Variants in ODAD2 observed in about 807,000 individuals in gnomAD.
ODAD2 encodes outer dynein arm-docking complex subunit 2.
In ODAD2, 89 loss-of-function variants were observed where a neutral mutation model predicts 106.8. The observed-to-expected ratio is 0.83, with a 90% CI of 0.70 to 0.99. The LOEUF (loss-of-function observed/expected upper bound fraction) is 0.99, where lower values mean the gene tolerates loss of function less well. Among genes scored for constraint, ODAD2 ranks in the 50% least tolerant of loss-of-function variants. ODAD2 has a pLI of 0.00. For missense variants in ODAD2, 1,168 were observed against 1,238.5 expected (o/e 0.94, Z 0.85); for synonymous variants, 404 against 436.2 (o/e 0.93, Z 0.92).
intron 17 of ODAD2, among the ~76,000 whole-genome samples, chr10:27,879,062 G>A (rs944618454): frequency 2.0e-5 from 3 of 152,084 alleles, no homozygotes; most frequent in African/African-American, 2.4e-5. Context: ...TAGCTTTAAC[G>A]AATTGAATCA....
chr10:27,867,803 G>T (rs1040334835), intron 17 of ODAD2, among the ~76,000 whole-genome samples: 1 of 152,036 alleles, frequency 6.6e-6, no homozygotes. Context: ...ACAAAAATTA[G>T]CTGGGCATGG....
In ODAD2 at chr10:27,874,333, T is replaced by C. The variant is rs552310762; in HGVS notation, c.2611-11711A>G. On this transcript the variant is annotated intron_variant, in intron 17 of 19. Coordinates refer to ENST00000305242, the MANE Select transcript of ODAD2 (RefSeq NM_018076.5). ...CACTTTGCCAGTCTGTGTCTTTTAA[T>C]TGGAGCATTTAGTCTATTTACATTT... 5.9e-5 allele frequency among the ~76,000 whole-genome samples: 9 copies of C among 152,332 alleles called. No individual in the cohort carries two copies. In the South Asian group the frequency reaches 1.9e-3, roughly 32 times the overall value.
At chr10:27,880,016 ATTC>A (rs2133551607) in intron 17 of ODAD2, among the ~76,000 whole-genome samples, 1 of 152,312 alleles carries the variant, frequency 6.6e-6, no homozygotes, top group East Asian at 1.9e-4. Context: ...GTGTAGCGGA[ATTC>A]TTATCTTCTA....
Position 27,958,064 on chromosome 10 carries a change from T to G in ODAD2, c.1386+3504A>C, listed in dbSNP as rs73606022. Reference sequence around the variant, plus strand: ...TGTGTCTCCATATAAAATATTTATCTGTGTCAAAAACCTTGAAATCATTTA... The same window carrying G: ...TGTGTCTCCATATAAAATATTTATCGGTGTCAAAAACCTTGAAATCATTTA... On this transcript the variant is annotated intron_variant, in intron 10 of 19. Transcript: ENST00000305242. 3.0e-3 allele frequency among the ~76,000 whole-genome samples: 459 copies of G among 152,348 alleles called. 5 individuals carry two copies. Among genetic ancestry groups the G allele is most frequent in the African/African-American group, 0.011 (446 of 41,578 alleles).
intron 17 of ODAD2, among the ~76,000 whole-genome samples, chr10:27,893,500 T>C (rs1393478668): frequency 6.6e-6 from 1 of 152,174 alleles, no homozygotes. Flanking sequence ...TCAGCTATAA[T>C]TAACAATGGC....
chr10:27,865,720 T>C (rs1840389846), intron 17 of ODAD2, among the ~76,000 whole-genome samples: 2 of 152,244 alleles, frequency 1.3e-5, no homozygotes, highest in Admixed American at 6.5e-5. Context: ...TGAATTTGAT[T>C]GTTTGCAAAC....
intron 10 of ODAD2, among the ~76,000 whole-genome samples, chr10:27,946,896 C>T (rs1249120442): frequency 6.6e-6 from 1 of 152,170 alleles, no homozygotes; most frequent in Non-Finnish European, 1.5e-5. Context: ...CTTCTTACTC[C>T]ATTTAAGAAA....
At chr10:27,832,012 T>A (rs999451819) in intron 19 of ODAD2, among the ~76,000 whole-genome samples, 26 of 152,238 alleles carry the variant, frequency 1.7e-4, no homozygotes, top group Non-Finnish European at 3.5e-4. Flanking sequence ...TCAAGCATAT[T>A]CGGGGCTTCC....
At chr10:27,875,244 T>C (rs983945469) in intron 17 of ODAD2, among the ~76,000 whole-genome samples, 1 of 152,216 alleles carries the variant, frequency 6.6e-6, no homozygotes, top group African/African-American at 2.4e-5. Context: ...GTTATTCTAG[T>C]TAGCCCTTCA....
chr10:27,995,370 T>A (rs1850498751), intron 1 of ODAD2, among the ~76,000 whole-genome samples, 190 bp from the exon 2 acceptor site: 1 of 152,198 alleles, frequency 6.6e-6, no homozygotes, highest in African/African-American at 2.4e-5. Flanking sequence ...TAAAACTGAC[T>A]AGTATTTAAG....
At chr10:27,844,785 C>T (rs575140872) in intron 19 of ODAD2, among the ~76,000 whole-genome samples, 1 of 152,298 alleles carries the variant, frequency 6.6e-6, no homozygotes, top group South Asian at 2.1e-4. Flanking sequence ...TTTTACTATA[C>T]TTAGCTTTTC....
In ODAD2 at chr10:27,900,951, G is replaced by A. The variant is rs534457314; in HGVS notation, c.2610+6712C>T. ...AAGACAGGCCAACATTCAAATTCAGGAAATACAGAGAACACCACAAAGATA... is the reference window on the plus strand; with the variant it reads ...AAGACAGGCCAACATTCAAATTCAGAAAATACAGAGAACACCACAAAGATA... On this transcript the variant is annotated intron_variant, in intron 17 of 19. Coordinates refer to ENST00000305242, the MANE Select transcript of ODAD2 (RefSeq NM_018076.5). Among the ~76,000 whole-genome samples the A allele has an allele frequency of 6.0e-4, 92 of 152,070 alleles. 1 individual carries two copies. The highest frequency in any genetic ancestry group is 1.0e-3 in the Non-Finnish European group (71 of 68,016).
rs1835811782 is a variant in ODAD2, at chr10:27,812,453, T to C, written c.*59A>G. 2.0e-6 allele frequency: 3 copies of C among 1,523,994 alleles called. No homozygotes were observed. The highest frequency in any genetic ancestry group is 2.7e-6 in the Non-Finnish European group (3 of 1,122,616). The allele number at this position is 1,523,994 out of a possible 1,614,324, so 94.4% of individuals were successfully genotyped here. ...TTTCCCAATTTAGGCTTTCTGGCCA[T>C]GGGAGTGACATGTCCTGTGTCATGT... On this transcript the variant is annotated 3_prime_UTR_variant, in exon 20 of 20. Transcript: ENST00000305242.
intron 17 of ODAD2, 62 bp from the exon 18 acceptor site, chr10:27,862,684 G>A: frequency 7.0e-6 from 9 of 1,294,622 alleles, no homozygotes; most frequent in Non-Finnish European, 9.6e-6. Context: ...CATTTTTTAA[G>A]AGGCAGAAAG....
intron 19 of ODAD2, among the ~76,000 whole-genome samples, chr10:27,837,095 T>C (rs1837951600): frequency 6.6e-6 from 1 of 152,070 alleles, no homozygotes; most frequent in Admixed American, 6.6e-5. Context: ...GTCATATTCA[T>C]CCTGAGGGAA....
At chr10:27,867,739 C>G (rs1840548596) in intron 17 of ODAD2, among the ~76,000 whole-genome samples, 3 of 152,148 alleles carry the variant, frequency 2.0e-5, no homozygotes, top group Admixed American at 6.6e-5. Flanking sequence ...CACTTGAGGT[C>G]AGGAGGTTGA....
chr10:27,885,205 T>C (rs546706620), intron 17 of ODAD2, among the ~76,000 whole-genome samples: 6 of 150,658 alleles, frequency 4.0e-5, no homozygotes, highest in Non-Finnish European at 7.4e-5. Flanking sequence ...AAAATGAGAA[T>C]ATAAACAAGG....
chr10:27,979,846 A>G (rs1849434972), intron 7 of ODAD2, among the ~76,000 whole-genome samples: 1 of 152,206 alleles, frequency 6.6e-6, no homozygotes, highest in Non-Finnish European at 1.5e-5. Flanking sequence ...CATTTTTTGC[A>G]GAAATGTAAA....
intron 17 of ODAD2, among the ~76,000 whole-genome samples, chr10:27,871,787 C>T (rs760790967): frequency 1.6e-4 from 24 of 152,128 alleles, no homozygotes; most frequent in East Asian, 5.8e-4. Context: ...AGTCAGGTAG[C>T]GTGATGCCTG....
Sources: allele counts gnomAD v4.1 joint callset (sites outside exome capture counted in the v4.1 genomes callset), GRCh38; gene constraint gnomAD v4.1.1; transcripts MANE v1.5; gene names NCBI Gene and HGNC (gene_info 2026-07-23, HGNC 2026-07-21).